Variants in THSD7B observed in about 807,000 individuals in gnomAD.
THSD7B encodes the protein thrombospondin type 1 domain containing 7B, also known as thrombospondin type-1 domain-containing protein 7B.
Under a neutral mutation model 213.6 loss-of-function variants are expected in THSD7B, and 138 were observed. The ratio of observed to expected loss-of-function variants is 0.65; its 90% CI spans 0.56 to 0.74. The LOEUF (loss-of-function observed/expected upper bound fraction) is 0.74, where lower values mean the gene tolerates loss of function less well. Among genes scored for constraint, THSD7B ranks in the 30% least tolerant of loss-of-function variants. The pLI is 0.00. For missense variants in THSD7B, 1,931 were observed against 1,991.5 expected (o/e 0.97, Z 0.58); for synonymous variants, 742 against 687.0 (o/e 1.08, Z -1.25).
chr2:137,611,264 A>G (rs1682284769), intron 17 of THSD7B, among the ~76,000 whole-genome samples: 1 of 151,950 alleles, frequency 6.6e-6, no homozygotes. Context: ...TTATGAATAT[A>G]TATATATAAT....
chr2:137,601,663 A>G (rs1682078571), intron 17 of THSD7B, among the ~76,000 whole-genome samples: 1 of 152,228 alleles, frequency 6.6e-6, no homozygotes. Flanking sequence ...CATTCTTCTA[A>G]GTAAAAGGAA....
At position 136,890,659 on chromosome 2, in the gene THSD7B, C is replaced by G. The variant is rs956897682; in HGVS notation, c.139+8342C>G. 8.0e-5 allele frequency among the ~76,000 whole-genome samples: 12 copies of G among 149,806 alleles called. No individual in the cohort carries two copies. The South Asian group carries it at 1.1e-3, about 13-fold the overall frequency. On this transcript the variant is annotated intron_variant, in intron 2 of 27. Transcript: ENST00000409968. ...GGTTCAAGCGATTCTTCCGCCTCAGCCTCCTGAGTAGCTGGGATTACAGGC... is the reference window on the plus strand; with the variant it reads ...GGTTCAAGCGATTCTTCCGCCTCAGGCTCCTGAGTAGCTGGGATTACAGGC...
chr2:136,902,706 G>A (rs1224078371), intron 2 of THSD7B, among the ~76,000 whole-genome samples: 2 of 152,294 alleles, frequency 1.3e-5, no homozygotes, highest in East Asian at 3.9e-4. Flanking sequence ...TTCAGAAGAG[G>A]GTTCTCAGTC....
At chr2:137,618,001 C>T (rs1198912415) in intron 18 of THSD7B, among the ~76,000 whole-genome samples, 1 of 152,168 alleles carries the variant, frequency 6.6e-6, no homozygotes, top group Non-Finnish European at 1.5e-5. Flanking sequence ...GGTACACAAA[C>T]ATCTGGAGCA....
At chr2:137,052,046 C>T (rs1687079373) in intron 2 of THSD7B, among the ~76,000 whole-genome samples, 1 of 152,126 alleles carries the variant, frequency 6.6e-6, no homozygotes, top group Non-Finnish European at 1.5e-5. Flanking sequence ...TTTGCATTTC[C>T]TGCAAAAACA....
At chr2:137,125,912 G>T (rs1424704053) in intron 5 of THSD7B, among the ~76,000 whole-genome samples, 2 of 152,128 alleles carry the variant, frequency 1.3e-5, no homozygotes. Flanking sequence ...GGCTTTTGGG[G>T]CATCAGGTGC....
intron 2 of THSD7B, among the ~76,000 whole-genome samples, chr2:137,017,051 A>T (rs1483747806): frequency 6.6e-6 from 1 of 152,202 alleles, no homozygotes. Context: ...AATATTCAGT[A>T]CAAGTGTAAG....
chr2:137,073,218 T>G (rs1487608134), intron 3 of THSD7B, among the ~76,000 whole-genome samples: 1 of 152,218 alleles, frequency 6.6e-6, no homozygotes, highest in Non-Finnish European at 1.5e-5. Context: ...AATTCGGCTG[T>G]GAATCCATCT....
rs542549691 is a variant in THSD7B, at chr2:137,164,702, A to T, written c.1525+4334A>T. 4.3e-3 allele frequency among the ~76,000 whole-genome samples: 655 copies of T among 152,314 alleles called. 4 individuals are homozygous for T. Among genetic ancestry groups the T allele is most frequent in the African/African-American group, 0.015 (617 of 41,570 alleles). On this transcript the variant is annotated intron_variant, in intron 6 of 27. Coordinates refer to ENST00000409968, the MANE Select transcript of THSD7B (RefSeq NM_001316349.2). Reference sequence around the variant, plus strand: ...ACACCATAGAATACTATGCAGCCATAAAAAAGGGTGAATTCATATCCTTTG... The same window carrying T: ...ACACCATAGAATACTATGCAGCCATTAAAAAGGGTGAATTCATATCCTTTG...
chr2:137,063,048 A>G (rs1359140205), intron 3 of THSD7B, among the ~76,000 whole-genome samples: 2 of 151,836 alleles, frequency 1.3e-5, no homozygotes, highest in African/African-American at 2.4e-5. Context: ...ATTATTATGT[A>G]ATGCCCACCC....
chr2:136,883,035 TC>T (rs1443884486), intron 2 of THSD7B, among the ~76,000 whole-genome samples: 4 of 152,176 alleles, frequency 2.6e-5, no homozygotes, highest in Non-Finnish European at 4.4e-5. Flanking sequence ...CTGATGCTTT[TC>T]CTTGCTCTGG....
intron 12 of THSD7B, among the ~76,000 whole-genome samples, chr2:137,385,620 A>T (rs76483472): frequency 0.032 from 4,801 of 152,244 alleles, 278 homozygotes; most frequent in African/African-American, 0.11. Context: ...TAGGCCATGG[A>T]GTGGACAAAA....
chr2:136,992,841 C>G (rs1685813515), intron 2 of THSD7B, among the ~76,000 whole-genome samples: 1 of 152,204 alleles, frequency 6.6e-6, no homozygotes, highest in Admixed American at 6.5e-5. Flanking sequence ...GGACCCAAGA[C>G]TACGCATGGG....
chr2:137,313,668 C>T (rs180722690), intron 12 of THSD7B, among the ~76,000 whole-genome samples: 8,423 of 151,772 alleles, frequency 0.055, 316 homozygotes, highest in East Asian at 0.1. Context: ...CCATGTTTAG[C>T]GCTTCCTTCA....
chr2:137,056,525 G>C lies in THSD7B; in HGVS notation c.245G>C (p.Gly82Ala). 6.2e-7 allele frequency: 1 copy of C among 1,613,994 alleles called. No homozygotes were observed. The highest frequency in any genetic ancestry group is 2.2e-5 in the East Asian group (1 of 44,870). ...DGWTSHLSNC[G>A]ESNRPPKERS... ...TGGACAAGTCACCTGTCTAACTGTG[G>C]TGAGAGCAACAGGCCTCCAAAGGAA... Residue 82 changes from glycine (G) to alanine (A), a missense_variant, in exon 3 of 28, where the codon GGT becomes GCT. By Grantham distance (60) the Gly-to-Ala change is moderately conservative. Coordinates refer to ENST00000409968, the MANE Select transcript of THSD7B (RefSeq NM_001316349.2).
At chr2:137,656,736 A>G in intron 22 of THSD7B, 60 bp from the exon 23 acceptor site, 1 of 1,528,286 alleles carries the variant, frequency 6.5e-7, no homozygotes, top group Non-Finnish European at 8.9e-7. Context: ...GCCCATGCAA[A>G]TGTTGTCCAG....
chr2:137,519,948 A>G (rs1470491131), intron 15 of THSD7B, among the ~76,000 whole-genome samples: 1 of 152,238 alleles, frequency 6.6e-6, no homozygotes, highest in Non-Finnish European at 1.5e-5. Context: ...AGTACCTGTT[A>G]CTATTTCCTT....
chr2:137,442,140 G>A lies in THSD7B; in HGVS notation c.2960-8705G>A, dbSNP rs370374958. Among the ~76,000 whole-genome samples the A allele has an allele frequency of 3.4e-4, 52 of 152,104 alleles. 1 individual carries two copies. In the South Asian group the frequency reaches 0.011, roughly 31 times the overall value. ...TTTTATCCCAGATGACATAAGGTTAGACTTTGATTTATAATCCATATTGTG... is the reference window on the plus strand; with the variant it reads ...TTTTATCCCAGATGACATAAGGTTAAACTTTGATTTATAATCCATATTGTG... On this transcript the variant is annotated intron_variant, in intron 14 of 27. Coordinates refer to ENST00000409968, the MANE Select transcript of THSD7B (RefSeq NM_001316349.2).
intron 26 of THSD7B, among the ~76,000 whole-genome samples, chr2:137,665,879 G>T (rs559747134): frequency 2.6e-4 from 40 of 151,850 alleles, no homozygotes; most frequent in South Asian, 1.2e-3. Context: ...TTTAGTGAAA[G>T]AAAAAGTACA....
Sources: allele counts gnomAD v4.1 joint callset (sites outside exome capture counted in the v4.1 genomes callset), GRCh38; gene constraint gnomAD v4.1.1; transcripts MANE v1.5; gene names NCBI Gene and HGNC (gene_info 2026-07-23, HGNC 2026-07-21).